The following PDE4D variants were observed in gnomAD, a reference collection of about 807,000 sequenced individuals.
The protein encoded by PDE4D is phosphodiesterase 4D.
PDE4D carries 24 observed loss-of-function variants against 87.4 expected under a neutral mutation model. The ratio of observed to expected loss-of-function variants is 0.27; its 90% CI spans 0.20 to 0.39. The LOEUF (loss-of-function observed/expected upper bound fraction) is 0.39. Among genes scored for constraint, PDE4D ranks in the 10% least tolerant of loss-of-function variants. The pLI is 1.00. For missense variants in PDE4D, 714 were observed against 1,041.0 expected (o/e 0.69, Z 4.32); for synonymous variants, 384 against 383.2 (o/e 1.00, Z -0.02).
intron 3 of PDE4D, among the ~76,000 whole-genome samples, chr5:59,940,401 T>G (rs2152797580): frequency 6.6e-6 from 1 of 152,208 alleles, no homozygotes; most frequent in East Asian, 1.9e-4. Flanking sequence ...TGTGCAGTAA[T>G]CCATGTGAGA....
intron 1 of PDE4D, among the ~76,000 whole-genome samples, chr5:60,311,051 CT>C (rs1218110001): frequency 3.5e-5 from 5 of 143,030 alleles, no homozygotes; most frequent in African/African-American, 1.3e-4. Context: ...GAGTTTTGCT[CT>C]TGTTGCCCAG....
chr5:59,396,790 A>C (rs1487625477), intron 1 of PDE4D, among the ~76,000 whole-genome samples: 1 of 118,594 alleles, frequency 8.4e-6, no homozygotes, highest in African/African-American at 3.4e-5. Context: ...AGACTGGCAA[A>C]TTGGATAAAG....
chr5:59,924,385 T>C (rs1755015695), intron 3 of PDE4D, among the ~76,000 whole-genome samples: 3 of 152,084 alleles, frequency 2.0e-5, no homozygotes, highest in Admixed American at 2.0e-4. Context: ...AAGAAGGTTA[T>C]AGAACACCAA....
chr5:60,443,621 G>A (rs1745415015), intron 1 of PDE4D, among the ~76,000 whole-genome samples: 1 of 152,058 alleles, frequency 6.6e-6, no homozygotes, highest in African/African-American at 2.4e-5. Flanking sequence ...TAAGACAGTG[G>A]GTGACACCAC....
intron 1 of PDE4D, among the ~76,000 whole-genome samples, chr5:59,646,878 A>G (rs921015291): frequency 6.6e-6 from 1 of 152,112 alleles, no homozygotes; most frequent in African/African-American, 2.4e-5. Flanking sequence ...TACTAAAACT[A>G]CAAAAAATTA....
chr5:59,355,333 A>G lies in PDE4D; in HGVS notation c.456-139365T>C, dbSNP rs977125100. On this transcript the variant is annotated intron_variant, in intron 1 of 14. Transcript: ENST00000340635. ...ACTCTGCATTTCGTGAGATTTCTCA[A>G]ATTCATTAGTCAATCAAGCTATTGC... 2.6e-5 allele frequency among the ~76,000 whole-genome samples: 4 copies of G among 152,328 alleles called. No homozygotes were observed. In the South Asian group the frequency reaches 6.2e-4, roughly 24 times the overall value.
At chr5:59,675,713 G>A (rs1747952212) in intron 1 of PDE4D, among the ~76,000 whole-genome samples, 1 of 151,430 alleles carries the variant, frequency 6.6e-6, no homozygotes, top group South Asian at 2.1e-4. Context: ...TTTGAAAAAG[G>A]GTCTCTCACT....
intron 6 of PDE4D, among the ~76,000 whole-genome samples, chr5:59,008,683 G>C (rs1752154661): frequency 6.6e-6 from 1 of 151,996 alleles, no homozygotes; most frequent in Non-Finnish European, 1.5e-5. Flanking sequence ...GTTAGGCAAA[G>C]ATTTCTTAAA....
intron 1 of PDE4D, among the ~76,000 whole-genome samples, chr5:59,487,365 A>C (rs1430455858): frequency 6.6e-6 from 1 of 152,186 alleles, no homozygotes; most frequent in Non-Finnish European, 1.5e-5. Flanking sequence ...TAAAGAAATA[A>C]GCATTTGAGG....
intron 3 of PDE4D, among the ~76,000 whole-genome samples, chr5:59,983,559 A>T (rs1762128902): frequency 6.6e-6 from 1 of 152,236 alleles, no homozygotes; most frequent in Non-Finnish European, 1.5e-5. Context: ...CTGAATGGTC[A>T]TAACACAAAG....
chr5:59,626,396 C>T (rs901886475), intron 1 of PDE4D, among the ~76,000 whole-genome samples: 4 of 152,286 alleles, frequency 2.6e-5, no homozygotes, highest in African/African-American at 9.6e-5. Flanking sequence ...CCCAATAAAG[C>T]TGAAAGTACT....
intron 1 of PDE4D, among the ~76,000 whole-genome samples, chr5:60,264,256 A>G (rs1456395591): frequency 6.6e-6 from 1 of 152,220 alleles, no homozygotes; most frequent in Non-Finnish European, 1.5e-5. Context: ...TCATGAAAAT[A>G]AAGGGAAATA....
At chr5:59,670,447 C>T (rs942599874) in intron 1 of PDE4D, among the ~76,000 whole-genome samples, 1 of 152,166 alleles carries the variant, frequency 6.6e-6, no homozygotes, top group Non-Finnish European at 1.5e-5. Context: ...ATAGTCAAAA[C>T]ACAGCCAAAA....
At chr5:59,380,452 CAT>C (rs10616440) in intron 1 of PDE4D, among the ~76,000 whole-genome samples, 12,397 of 148,768 alleles carry the variant, frequency 0.083, 610 homozygotes, top group Middle Eastern at 0.15. Context: ...AGAAGAAAGA[CAT>C]GTGGCTATTA....
chr5:60,140,795 C>G (rs1262998436), intron 2 of PDE4D, among the ~76,000 whole-genome samples: 2 of 152,030 alleles, frequency 1.3e-5, no homozygotes, highest in Non-Finnish European at 2.9e-5. Context: ...AGATTAGTGA[C>G]CCAGCTTAAG....
intron 5 of PDE4D, among the ~76,000 whole-genome samples, chr5:59,125,051 CT>C (rs1775173793): frequency 6.6e-6 from 1 of 151,922 alleles, no homozygotes; most frequent in Non-Finnish European, 1.5e-5. Context: ...AAGTTCAGCT[CT>C]CTTGCTGAAA....
At chr5:59,252,713 G>C (rs1258776187) in intron 1 of PDE4D, among the ~76,000 whole-genome samples, 1 of 152,010 alleles carries the variant, frequency 6.6e-6, no homozygotes, top group Admixed American at 6.6e-5. Flanking sequence ...TTTTTGTAGA[G>C]ACAGGGTCTT....
intron 1 of PDE4D, among the ~76,000 whole-genome samples, chr5:59,463,115 T>G (rs139086242): frequency 6.6e-6 from 1 of 152,180 alleles, no homozygotes; most frequent in Non-Finnish European, 1.5e-5. Flanking sequence ...TTTAGGGGTC[T>G]CTTATTAGGA....
intron 2 of PDE4D, among the ~76,000 whole-genome samples, chr5:60,046,744 T>G (rs1769310793): frequency 6.6e-6 from 1 of 152,222 alleles, no homozygotes; most frequent in Non-Finnish European, 1.5e-5. Context: ...ATAAGCTTTT[T>G]GATGTGCTGC....
Sources: gnomAD v4.1 joint callset for allele counts (sites outside exome capture counted in the v4.1 genomes callset) on GRCh38, gnomAD v4.1.1 for gene constraint, MANE v1.5 for transcripts, NCBI Gene and HGNC (gene_info 2026-07-23, HGNC 2026-07-21) for gene names.